The following PCDH8 variants were observed in gnomAD, a reference collection of about 807,000 sequenced individuals.
PCDH8 encodes protocadherin 8.
A neutral mutation model predicts 58.2 loss-of-function variants in PCDH8; 36 were observed. The ratio of observed to expected loss-of-function variants is 0.62; its 90% CI spans 0.47 to 0.82. PCDH8 has a LOEUF of 0.82. Among genes scored for constraint, PCDH8 ranks in the 40% least tolerant of loss-of-function variants. The pLI, the probability that PCDH8 is intolerant of heterozygous loss-of-function variation, is 0.00. For synonymous variants in PCDH8, 775 were observed against 728.9 expected (o/e 1.06, Z -1.02); for missense variants, 1,493 against 1,567.8 (o/e 0.95, Z 0.81).
chr13:52,845,518 C>CT lies in PCDH8; in HGVS notation c.2745dup (p.Asp916ArgfsTer4). On this transcript the variant is annotated frameshift_variant, in exon 2 of 3. Coordinates refer to ENST00000377942, the MANE Select transcript of PCDH8 (RefSeq NM_002590.4). LOFTEE classifies it high-confidence loss of function. ...AAATCACTGTCCCCTTTACCGCTGT[C>CT]TTTGCCGCTGAACTTCTCTGCTTCT... is the stretch of plus-strand genomic sequence containing the variant. 3 of 1,614,226 alleles carry CT rather than the reference C, an allele frequency of 1.9e-6. No individual in the cohort carries two copies. Among genetic ancestry groups the CT allele is most frequent in the Non-Finnish European group, 2.5e-6 (3 of 1,180,042 alleles).
Position 52,843,053 on chromosome 13 carries a change from T to C in PCDH8, c.*1507A>G, listed in dbSNP as rs1273315365. ...GATACTTCCCATATCCTGGGGGTAG[T>C]TTGCTGATTAAATGAGATAATTCAT... On this transcript the variant is annotated 3_prime_UTR_variant, in exon 3 of 3. Coordinates refer to ENST00000377942, the MANE Select transcript of PCDH8 (RefSeq NM_002590.4). 6.6e-6 allele frequency: 1 copy of C among 152,204 alleles called. No individual in the cohort carries two copies. The highest frequency in any genetic ancestry group is 6.5e-5 in the Admixed American group (1 of 15,286). The allele number at this position is 152,204 out of a possible 1,614,324, so 9.4% of individuals were successfully genotyped here. A position where few individuals can be genotyped will look rare whatever the true frequency, so the allele number is the denominator to read the frequency against.
At position 52,847,195 on chromosome 13, in the gene PCDH8, G is replaced by T; in HGVS notation, c.1242C>A (p.Val414=). 6.9e-7 allele frequency: 1 copy of T among 1,452,272 alleles called. No individual in the cohort carries two copies. The allele number at this position is 1,452,272 out of a possible 1,614,324, so 90.0% of individuals were successfully genotyped here. A position where few individuals can be genotyped will look rare whatever the true frequency, so the allele number is the denominator to read the frequency against. Residue 414 remains valine (V), a synonymous_variant, in exon 1 of 3, where the codon GTC becomes GTA. Transcript: ENST00000377942. ...GAARESLVAL[V]STSDRDSGAN... The stretch of plus-strand genomic sequence containing the variant: ...CGCCCGAGTCCCTGTCCGAGGTGCT[G>T]ACCAGGGCCACCAGGCTCTCGCGCG...
chr13:52,847,515 G>A lies in PCDH8; in HGVS notation c.922C>T (p.Leu308=). ...CGCTCGTAGTCCACGGGCCCGGCCA[G>A]GGTGAGGCGGCCTGATCGCGGGTCA... ...RLDPRSGRLT[L]AGPVDYERQD... is the part of the protein sequence containing the mutation. Residue 308 remains leucine (L), a synonymous_variant, in exon 1 of 3, where the codon CTG becomes TTG. Coordinates refer to ENST00000377942, the MANE Select transcript of PCDH8 (RefSeq NM_002590.4). The A allele has an allele frequency of 6.3e-7, 1 of 1,585,330 alleles. No homozygotes were observed. The highest frequency in any genetic ancestry group is 8.5e-7 in the Non-Finnish European group (1 of 1,172,340).
Position 52,847,038 on chromosome 13 carries a change from G to T in PCDH8, c.1399C>A (p.Leu467Met). ...RERIAEYNLT[L>M]VAEDRGAPPL... is the part of the protein sequence containing the mutation. ...GGCGCGCCGCGATCCTCGGCCACCA[G>T]CGTCAAGTTGTACTCGGCGATGCGT... Residue 467 changes from leucine (L) to methionine (M), a missense_variant, in exon 1 of 3, where the codon CTG becomes ATG. Coordinates refer to ENST00000377942, the MANE Select transcript of PCDH8 (RefSeq NM_002590.4). 2 of 1,567,300 alleles carry T rather than the reference G, an allele frequency of 1.3e-6. No individual in the cohort carries two copies. The highest frequency in any genetic ancestry group is 8.6e-7 in the Non-Finnish European group (1 of 1,158,580).
chr13:52,845,871 T>C lies in PCDH8; in HGVS notation c.2566A>G (p.Ser856Gly). The change falls in exon 1 of 3, where the codon AGC becomes GGC. Residue 856 changes from serine (S) to glycine (G), a missense_variant. Ser to Gly is a moderately conservative substitution (Grantham distance 56). This residue lies in a region of PCDH8 where 1,307 missense variants were observed against 1,362.7 expected (regional missense o/e 0.96). Coordinates refer to ENST00000377942, the MANE Select transcript of PCDH8 (RefSeq NM_002590.4). ...AAEVPGSEGG[S>G]ATGESACHFE... is the part of the protein sequence containing the mutation. ...TGACAGGCGCTTTCCCCAGTGGCGC[T>C]GCCGCCCTCTGAGCCCGGCACTTCG... 2 of 1,508,984 alleles carry C rather than the reference T, an allele frequency of 1.3e-6. No individual in the cohort carries two copies. The highest frequency in any genetic ancestry group is 1.2e-5 in the South Asian group (1 of 80,152). The allele number at this position is 1,508,984 out of a possible 1,614,324, so 93.5% of individuals were successfully genotyped here. A position where few individuals can be genotyped will look rare whatever the true frequency, so the allele number is the denominator to read the frequency against.
intron 2 of PCDH8, 110 bp from the exon 3 acceptor site, chr13:52,845,043 G>T: frequency 8.3e-7 from 1 of 1,199,152 alleles, no homozygotes; most frequent in Non-Finnish European, 1.2e-6. Context: ...GAAAGGAAAG[G>T]CTGTGCGCAT....
rs773578849 is a variant in PCDH8, at chr13:52,846,051, C to T, written c.2386G>A (p.Gly796Ser). The change falls in exon 1 of 3, where the codon GGC becomes AGC. Residue 796 changes from glycine to serine, a missense_variant. Coordinates refer to ENST00000377942, the MANE Select transcript of PCDH8 (RefSeq NM_002590.4). ...GAGCCGGGAGCCGAGGCTCCGCCGC[C>T]CGCCGCCCCGGGCCGCTCTTCCCGG... is the stretch of plus-strand genomic sequence containing the variant. ...ALREERPGAA[G>S]GGASAPGSPE... 4.4e-5 allele frequency: 66 copies of T among 1,509,402 alleles called. No individual in the cohort carries two copies. Among genetic ancestry groups the T allele is most frequent in the South Asian group, 3.5e-4 (27 of 77,542 alleles). 93.5% of individuals were successfully genotyped at this position (1,509,402 alleles called of 1,614,324 possible).
rs1472328974 is a variant in PCDH8, at chr13:52,848,370, C to G, written c.67G>C (p.Val23Leu). 1 of 1,612,500 alleles carries G rather than the reference C, an allele frequency of 6.2e-7. No homozygotes were observed. The highest frequency in any genetic ancestry group is 1.7e-5 in the Admixed American group (1 of 60,036). Residue 23 changes from valine (V) to leucine (L), a missense_variant, in exon 1 of 3, where the codon GTG becomes CTG. Val to Leu is a conservative substitution (Grantham distance 32, BLOSUM62 1). Around this residue, in one of 3 missense-constraint regions of PCDH8, gnomAD observed 1,307 missense variants for 1,362.7 expected, o/e 0.96. Coordinates refer to ENST00000377942, the MANE Select transcript of PCDH8 (RefSeq NM_002590.4). ...GTTTTGCTCTGGGCCACTGAGAGCA[C>G]CCAGCAGAGGCTGAAGAGCTGCAAG... Reference protein sequence around the residue: ...FPLQLFSLCWVLSVAQSKTVR... With the variant: ...FPLQLFSLCWLLSVAQSKTVR...
Position 52,845,408 on chromosome 13 carries a change from G to A in PCDH8, c.2839+17C>T, listed in dbSNP as rs551973184. 6.2e-7 allele frequency: 1 copy of A among 1,612,498 alleles called. No homozygotes were observed. The highest frequency in any genetic ancestry group is 1.7e-5 in the Admixed American group (1 of 60,028). ...AAGGGAGGAATGCCGAATTTGGCGG[G>A]AAAGAAGAGTCCTCACCACTCTGCA... On this transcript the variant is annotated intron_variant, in intron 2 of 2. Coordinates refer to ENST00000377942, the MANE Select transcript of PCDH8 (RefSeq NM_002590.4).
Position 52,846,656 on chromosome 13 carries a change from A to AG in PCDH8, c.1780dup (p.Leu594ProfsTer326). ...CTGGTCCAGCACGCGCACTTGCACT[A>AG]GGGCGCTGCTGGAAAGCTGAGGGGA... On this transcript the variant is annotated frameshift_variant, in exon 1 of 3. Coordinates refer to ENST00000377942, the MANE Select transcript of PCDH8 (RefSeq NM_002590.4). LOFTEE classifies it high-confidence loss of function. 6.2e-7 allele frequency: 1 copy of AG among 1,603,118 alleles called. No homozygotes were observed. Among genetic ancestry groups the AG allele is most frequent in the Non-Finnish European group, 8.5e-7 (1 of 1,177,850 alleles).
Position 52,845,944 on chromosome 13 carries a change from G to T in PCDH8, c.2493C>A (p.Pro831=), listed in dbSNP as rs1368222686. 2 of 1,488,874 alleles carry T rather than the reference G, an allele frequency of 1.3e-6. No homozygotes were observed. The highest frequency in any genetic ancestry group is 2.5e-5 in the Admixed American group (1 of 40,360). 92.2% of individuals were successfully genotyped at this position (1,488,874 alleles called of 1,614,324 possible). A position where few individuals can be genotyped will look rare whatever the true frequency, so the allele number is the denominator to read the frequency against. Residue 831 remains proline (P), a synonymous_variant, in exon 1 of 3, where the codon CCC becomes CCA. Transcript: ENST00000377942. The part of the protein sequence containing the change: ...VLTFPGTGKA[P]FGSPAADAPP... ...GCGCGTCCGCCGCGGGGCTGCCAAAGGGCGCTTTGCCGGTGCCAGGGAAGG... is the reference window on the plus strand; with the variant it reads ...GCGCGTCCGCCGCGGGGCTGCCAAATGGCGCTTTGCCGGTGCCAGGGAAGG...
At position 52,845,288 on chromosome 13, in the gene PCDH8, C is replaced by T. The variant is rs143537854; in HGVS notation, c.2839+137G>A. On this transcript the variant is annotated intron_variant, in intron 2 of 2. Coordinates refer to ENST00000377942, the MANE Select transcript of PCDH8 (RefSeq NM_002590.4). ...TGAAATTCACCGTGTGAGGCAGGCC[C>T]GTATCCGCAGCTGTAGGAGTGAGAA... 2.3e-4 allele frequency: 186 copies of T among 810,810 alleles called. 1 individual carries two copies. The African/African-American group carries it at 2.6e-3, about 11-fold the overall frequency. The allele number at this position is 810,810 out of a possible 1,614,324, so 50.2% of individuals were successfully genotyped here.
rs372333688 is a variant in PCDH8 at position 52,847,944 on chromosome 13, C to T, written c.493G>A (p.Gly165Ser). 6.7e-5 allele frequency: 108 copies of T among 1,608,804 alleles called. No individual in the cohort carries two copies. Among genetic ancestry groups the T allele is most frequent in the Non-Finnish European group, 8.7e-5 (103 of 1,178,790 alleles). The change falls in exon 1 of 3, where the codon GGC (glycine) becomes AGC (serine). Residue 165 changes from glycine to serine, a missense_variant. Gly to Ser is a moderately conservative substitution (Grantham distance 56). Around this residue, in one of 3 missense-constraint regions of PCDH8, gnomAD observed 1,307 missense variants for 1,362.7 expected, o/e 0.96. Transcript: ENST00000377942. ...PLEVPVDEDV[G>S]ANGLQTVRLA... is the part of the protein sequence containing the mutation. ...CGCACGGTCTGCAGCCCGTTGGCGC[C>T]CACGTCCTCGTCCACCGGCACCTCC...
Position 52,847,766 on chromosome 13 carries a change from G to C in PCDH8, c.671C>G (p.Pro224Arg). 1.4e-6 allele frequency: 2 copies of C among 1,460,786 alleles called. No individual in the cohort carries two copies. The highest frequency in any genetic ancestry group is 1.8e-6 in the Non-Finnish European group (2 of 1,116,318). 90.5% of individuals were successfully genotyped at this position (1,460,786 alleles called of 1,614,324 possible). A position where few individuals can be genotyped will look rare whatever the true frequency, so the allele number is the denominator to read the frequency against. ...ELVAQDGGRP[P>R]RSATAALSVR... Reference sequence around the variant, plus strand: ...GCTGAGGGCAGCCGTGGCGGAGCGCGGCGGGCGGCCGCCGTCCTGGGCCAC... The same window carrying C: ...GCTGAGGGCAGCCGTGGCGGAGCGCCGCGGGCGGCCGCCGTCCTGGGCCAC... Residue 224 changes from proline to arginine, a missense_variant, in exon 1 of 3, where the codon CCG becomes CGG. Pro to Arg is a moderately radical substitution (Grantham distance 103). Coordinates refer to ENST00000377942, the MANE Select transcript of PCDH8 (RefSeq NM_002590.4).
rs1008297210 is a variant in PCDH8 at position 52,843,558 on chromosome 13, G to T, written c.*1002C>A. ...TTAGTCTTTTTGATACTAACACCCC[G>T]AATAAGCTGAGGGCTCTTTGGGACT... On this transcript the variant is annotated 3_prime_UTR_variant, in exon 3 of 3. Transcript: ENST00000377942. The T allele has an allele frequency of 6.6e-6, 1 of 152,222 alleles. No individual in the cohort carries two copies. Among genetic ancestry groups the T allele is most frequent in the South Asian group, 2.1e-4 (1 of 4,826 alleles). 9.4% of individuals were successfully genotyped at this position (152,222 alleles called of 1,614,324 possible). A position where few individuals can be genotyped will look rare whatever the true frequency, so the allele number is the denominator to read the frequency against.
At position 52,847,831 on chromosome 13, in the gene PCDH8, C is replaced by A; in HGVS notation, c.606G>T (p.Glu202Asp). Residue 202 changes from glutamate to aspartate, a missense_variant, in exon 1 of 3, where the codon GAG becomes GAT. Physicochemically the swap from Glu to Asp is conservative, Grantham distance 45. Transcript: ENST00000377942. The part of the protein sequence containing the change: ...AQCADLVLLQ[E>D]LDRESQAAYS... ...AGGCGGCCTGGCTCTCGCGGTCCAG[C>A]TCCTGCAGCAGCACCAGGTCTGCGC... 1.3e-6 allele frequency: 2 copies of A among 1,496,026 alleles called. No individual in the cohort carries two copies. The highest frequency in any genetic ancestry group is 2.8e-5 in the African/African-American group (2 of 71,452). The allele number at this position is 1,496,026 out of a possible 1,614,324, so 92.7% of individuals were successfully genotyped here.
chr13:52,846,404 G>A lies in PCDH8; in HGVS notation c.2033C>T (p.Ser678Leu). 1 of 1,595,226 alleles carries A rather than the reference G, an allele frequency of 6.3e-7. No individual in the cohort carries two copies. Among genetic ancestry groups the A allele is most frequent in the Non-Finnish European group, 8.5e-7 (1 of 1,174,546 alleles). Residue 678 changes from serine (S) to leucine (L), a missense_variant, in exon 1 of 3, where the codon TCG (serine) becomes TTG (leucine). Transcript: ENST00000377942. ...TGEILLTGDLSQEPPGRVFRA... is the reference protein window; with the variant it reads ...TGEILLTGDLLQEPPGRVFRA... ...GAACACGCGACCGGGTGGCTCCTGC[G>A]AGAGGTCGCCGGTGAGCAGTATCTC...
chr13:52,846,743 C>T lies in PCDH8; in HGVS notation c.1694G>A (p.Arg565His), dbSNP rs758249990. 5 of 1,588,160 alleles carry T rather than the reference C, an allele frequency of 3.1e-6. No individual in the cohort carries two copies. The Admixed American group carries it at 8.6e-5, about 27-fold the overall frequency. Residue 565 changes from arginine to histidine, a missense_variant, in exon 1 of 3, where the codon CGC becomes CAC. Physicochemically the swap from Arg to His is conservative, Grantham distance 29. Around this residue, in one of 3 missense-constraint regions of PCDH8, gnomAD observed 1,307 missense variants for 1,362.7 expected, o/e 0.96. Coordinates refer to ENST00000377942, the MANE Select transcript of PCDH8 (RefSeq NM_002590.4). ...GCGCAGCGTCTCATAGTCGAAGCTG[C>T]GCAGCGCGTAGATGGCTCCGGTAGC... Reference protein sequence around the residue: ...DPATGAIYALRSFDYETLRQL... With the variant: ...DPATGAIYALHSFDYETLRQL...
Position 52,845,886 on chromosome 13 carries a change from C to T in PCDH8, c.2551G>A (p.Gly851Ser), listed in dbSNP as rs373342879. ...PPAVAAAEVP[G>S]SEGGSATGES... ...CCAGTGGCGCTGCCGCCCTCTGAGC[C>T]CGGCACTTCGGCCGCGGCGACCGCA... The change falls in exon 1 of 3, where the codon GGC (glycine) becomes AGC (serine). Residue 851 changes from glycine to serine, a missense_variant. By Grantham distance (56) the Gly-to-Ser change is moderately conservative. Coordinates refer to ENST00000377942, the MANE Select transcript of PCDH8 (RefSeq NM_002590.4). 9 of 1,489,334 alleles carry T rather than the reference C, an allele frequency of 6.0e-6. No homozygotes were observed. The East Asian group carries it at 1.6e-4, about 27-fold the overall frequency. The allele number at this position is 1,489,334 out of a possible 1,614,324, so 92.3% of individuals were successfully genotyped here.
Sources: gnomAD v4.1 joint callset for allele counts on GRCh38, gnomAD v4.1.1 for gene constraint, gnomAD v4.1.1 regional missense constraint, MANE v1.5 for transcripts, NCBI Gene and HGNC (gene_info 2026-07-23, HGNC 2026-07-21) for gene names.